COL5A1: variants seen among roughly 807,000 people sequenced by gnomAD.
COL5A1 encodes collagen type V alpha 1 chain.
A neutral mutation model predicts 263.7 loss-of-function variants in COL5A1; 16 were observed. That is an observed-to-expected ratio of 0.06 (90% CI 0.04 to 0.09). The LOEUF is 0.09. Among genes scored for constraint, COL5A1 ranks in the 10% least tolerant of loss-of-function variants. COL5A1 has a pLI of 1.00. For synonymous variants in COL5A1, 1,012 were observed against 1,004.5 expected, an observed-to-expected ratio of 1.01 and a Z score of -0.14; for missense variants, 2,036 against 2,540.5, an observed-to-expected ratio of 0.80 and a Z score of 4.27.
Position 134,813,842 on chromosome 9 carries a change from C to T in COL5A1, c.3853-141C>T, listed in dbSNP as rs1838634101. On this transcript the variant is annotated intron_variant, in intron 48 of 65. Coordinates refer to ENST00000371817, the MANE Select transcript of COL5A1 (RefSeq NM_000093.5). The stretch of plus-strand genomic sequence containing the variant: ...CTCCAATTCTGGGAGTGTGTGGGGA[C>T]AGCACTCCCCAGAAACCCCTGGGTC... The T allele has an allele frequency of 3.7e-6, 3 of 803,274 alleles. No individual in the cohort carries two copies. The Admixed American group carries it at 6.2e-5, about 17-fold the overall frequency. The allele number at this position is 803,274 out of a possible 1,614,324, so 49.8% of individuals were successfully genotyped here. A position where few individuals can be genotyped will look rare whatever the true frequency, so the allele number is the denominator to read the frequency against.
chr9:134,828,038 C>G, intron 63 of COL5A1, among the ~76,000 whole-genome samples: 1 of 152,206 alleles, frequency 6.6e-6, no homozygotes, highest in East Asian at 1.9e-4. Flanking sequence ...GATCAGTCTT[C>G]TGTGTCCTCA....
In COL5A1 at chr9:134,764,488, C is replaced by T. The variant is rs1836587487; in HGVS notation, c.2034+751C>T. On this transcript the variant is annotated intron_variant, in intron 20 of 65. Coordinates refer to ENST00000371817, the MANE Select transcript of COL5A1 (RefSeq NM_000093.5). ...TGGCCACCCTTCCAGAGGCAGATTC[C>T]TCCAGCAGACTCTGCCCCAGCCCTG... is the stretch of plus-strand genomic sequence containing the variant. Among the ~76,000 whole-genome samples, 5 of 152,128 alleles carry T rather than the reference C, an allele frequency of 3.3e-5. No individual in the cohort carries two copies. In the South Asian group the frequency reaches 1.0e-3, roughly 32 times the overall value.
intron 9 of COL5A1, among the ~76,000 whole-genome samples, chr9:134,737,061 C>T (rs1035495149): frequency 2.6e-5 from 4 of 152,322 alleles, no homozygotes; most frequent in South Asian, 4.1e-4. Context: ...ATGCTGGTGA[C>T]GCTACAGTCC....
rs3811148 is a variant in COL5A1 at position 134,818,416 on chromosome 9, G to A, written c.4231-240G>A. 0.15 allele frequency among the ~76,000 whole-genome samples: 22,673 copies of A among 152,180 alleles called. 1,891 individuals are homozygous for A. The highest frequency in any genetic ancestry group is 0.18 in the Non-Finnish European group (12,310 of 67,958). On this transcript the variant is annotated intron_variant, in intron 54 of 65. Transcript: ENST00000371817. This position sits in a 1 kb window ranked among gnomAD's most constrained non-coding sequence, Gnocchi z 6.0. Reference sequence around the variant, plus strand: ...CTCGGGCAGTGGCGCTGTGACACCCGGTCTGTGGTCGGCGCAGTCAGCGGA... The same window carrying A: ...CTCGGGCAGTGGCGCTGTGACACCCAGTCTGTGGTCGGCGCAGTCAGCGGA...
rs188197049 is a variant in COL5A1 at position 134,679,328 on chromosome 9, G to T, written c.110-11584G>T. ...ACTGTGGGGCTGGCTAGGGGGCACTGCAGGGCTTATTAGGGGGCACTGCAG... is the reference window on the plus strand; with the variant it reads ...ACTGTGGGGCTGGCTAGGGGGCACTTCAGGGCTTATTAGGGGGCACTGCAG... On this transcript the variant is annotated intron_variant, in intron 1 of 65. Coordinates refer to ENST00000371817, the MANE Select transcript of COL5A1 (RefSeq NM_000093.5). 7.4e-3 allele frequency among the ~76,000 whole-genome samples: 1,001 copies of T among 135,694 alleles called. 8 individuals are homozygous for T. Among genetic ancestry groups the T allele is most frequent in the Middle Eastern group, 0.039 (8 of 206 alleles). 89.0% of individuals were successfully genotyped at this position (135,694 alleles called of 152,430 possible). A position where few individuals can be genotyped will look rare whatever the true frequency, so the allele number is the denominator to read the frequency against.
At chr9:134,723,906 A>G (rs541195246) in intron 4 of COL5A1, among the ~76,000 whole-genome samples, 153 of 152,234 alleles carry the variant, frequency 1.0e-3, no homozygotes, top group African/African-American at 3.4e-3. Context: ...CTCGCTCATC[A>G]TTTGAGGTTT....
intron 29 of COL5A1, among the ~76,000 whole-genome samples, chr9:134,784,073 C>G (rs551204524): frequency 6.6e-6 from 1 of 152,186 alleles, no homozygotes; most frequent in East Asian, 1.9e-4. Context: ...GGGAACAGGA[C>G]CCCATATGCG....
In COL5A1 at chr9:134,678,125, C is replaced by T. The variant is rs149172066; in HGVS notation, c.110-12787C>T. Among the ~76,000 whole-genome samples, 1 of 152,312 alleles carries T rather than the reference C, an allele frequency of 6.6e-6. No individual in the cohort carries two copies. The highest frequency in any genetic ancestry group is 1.9e-4 in the East Asian group (1 of 5,172). On this transcript the variant is annotated intron_variant, in intron 1 of 65. Transcript: ENST00000371817. The surrounding 1 kb of genome is among the most constrained non-coding windows in gnomAD (Gnocchi z 5.5). The stretch of plus-strand genomic sequence containing the variant: ...CTGCAGGGGTCTTGGAGGCATTCTC[C>T]CAGCTTGCAGCCCCATGGTGCAGAG...
chr9:134,705,121 A>ACT (rs1161279863), intron 4 of COL5A1, among the ~76,000 whole-genome samples: 2 of 152,026 alleles, frequency 1.3e-5, no homozygotes, highest in African/African-American at 4.8e-5. Flanking sequence ...GATTCACCAA[A>ACT]CTCTAAGAGA....
chr9:134,664,113 G>T (rs1832288403), intron 1 of COL5A1, among the ~76,000 whole-genome samples: 1 of 152,214 alleles, frequency 6.6e-6, no homozygotes, highest in South Asian at 2.1e-4. Flanking sequence ...TGTCATGTTG[G>T]CTGGGAAAGA....
rs991329464 is a variant in COL5A1 at position 134,755,756 on chromosome 9, G to C, written c.1828-1009G>C. Reference sequence around the variant, plus strand: ...GGGCGATGTCTTTTTGGGGAGCAACGGGAGCACCGACTGTCTCCTTGGGGT... The same window carrying C: ...GGGCGATGTCTTTTTGGGGAGCAACCGGAGCACCGACTGTCTCCTTGGGGT... On this transcript the variant is annotated intron_variant, in intron 16 of 65. Transcript: ENST00000371817. This position sits in a 1 kb window ranked among gnomAD's most constrained non-coding sequence, Gnocchi z 4.1. Among the ~76,000 whole-genome samples the C allele has an allele frequency of 6.6e-6, 1 of 152,196 alleles. No individual in the cohort carries two copies. Among genetic ancestry groups the C allele is most frequent in the Non-Finnish European group, 1.5e-5 (1 of 68,032 alleles).
chr9:134,823,295 C>A (rs1588595391), intron 60 of COL5A1, 121 bp from the exon 61 acceptor site: 1 of 1,124,076 alleles, frequency 8.9e-7, no homozygotes, highest in East Asian at 2.3e-5. Context: ...CTCTTCTCTG[C>A]TGTGGCTGAT....
At chr9:134,685,006 TAATTGATCCATC>T (rs1832968603) in intron 1 of COL5A1, among the ~76,000 whole-genome samples, 29 of 119,802 alleles carry the variant, frequency 2.4e-4, no homozygotes, top group East Asian at 5.3e-4. Context: ...ATCCATCCAT[TAATTGATCCATC>T]CATCCATCCA....
In COL5A1 at chr9:134,820,191, C is replaced by T. The variant is rs148687561; in HGVS notation, c.4522C>T (p.Pro1508Ser). The part of the protein sequence containing the change: ...GEKGDRGLPG[P>S]QGSSGPKGEQ... ...GAAGGGCGACCGTGGTCTCCCTGGC[C>T]CCCAGGGCTCCTCCGGTCCTAAGGG... Residue 1508 changes from proline (P) to serine (S), a missense_variant, in exon 58 of 66, where the codon CCC becomes TCC. Coordinates refer to ENST00000371817, the MANE Select transcript of COL5A1 (RefSeq NM_000093.5). 3 of 1,613,896 alleles carry T rather than the reference C, an allele frequency of 1.9e-6. No individual in the cohort carries two copies. The highest frequency in any genetic ancestry group is 2.5e-6 in the Non-Finnish European group (3 of 1,179,946).
intron 20 of COL5A1, among the ~76,000 whole-genome samples, chr9:134,763,951 C>A (rs1836560110): frequency 6.6e-6 from 1 of 151,298 alleles, no homozygotes; most frequent in Admixed American, 6.6e-5. Context: ...TCTGAGCCTG[C>A]CTACAGGAGC....
chr9:134,830,047 A>G lies in COL5A1; in HGVS notation c.5136+3A>G, dbSNP rs1839537384. The G allele has an allele frequency of 1.2e-6, 2 of 1,613,994 alleles. No homozygotes were observed. The highest frequency in any genetic ancestry group is 1.7e-6 in the Non-Finnish European group (2 of 1,179,942). ...GTGAATTCAAGCGTGGGAAACTGGT[A>G]AGGTGGCCTCTGGCGTCTTTGCGGT... On this transcript the variant is annotated splice_donor_region_variant and intron_variant, in intron 64 of 65. Coordinates refer to ENST00000371817, the MANE Select transcript of COL5A1 (RefSeq NM_000093.5).
intron 64 of COL5A1, among the ~76,000 whole-genome samples, chr9:134,830,845 G>A (rs937075976): frequency 1.3e-5 from 2 of 152,220 alleles, no homozygotes; most frequent in African/African-American, 2.4e-5. Flanking sequence ...TGAGGACAGC[G>A]GCTGCTTCTG....
chr9:134,674,401 C>T (rs564111471), intron 1 of COL5A1, among the ~76,000 whole-genome samples: 14 of 152,132 alleles, frequency 9.2e-5, no homozygotes, highest in African/African-American at 3.4e-4. Context: ...GGACACGGTT[C>T]CATTTATATG....
chr9:134,828,462 GCACACTA>G (rs72202524), intron 63 of COL5A1, among the ~76,000 whole-genome samples: 30,080 of 150,566 alleles, frequency 0.2, 3,776 homozygotes, highest in African/African-American at 0.35. Context: ...ACACGCAGAT[GCACACTA>G]CACACCACAC....
Sources: gnomAD v4.1 joint callset for allele counts (sites outside exome capture counted in the v4.1 genomes callset) on GRCh38, gnomAD v4.1.1 for gene constraint, Gnocchi (gnomAD v3.1) non-coding constraint, MANE v1.5 for transcripts, NCBI Gene and HGNC (gene_info 2026-07-23, HGNC 2026-07-21) for gene names.